Variants in DPF3 observed in about 807,000 individuals in gnomAD.
DPF3 encodes double PHD fingers 3, also known as zinc finger protein DPF3.
DPF3 carries 18 observed loss-of-function variants against 56.8 expected under a neutral mutation model. The observed-to-expected ratio is 0.32, with a 90% CI of 0.22 to 0.47. The LOEUF (loss-of-function observed/expected upper bound fraction) is 0.47, where lower values mean the gene tolerates loss of function less well. DPF3 is among the 20% of genes least tolerant of loss of function. The probability of loss-of-function intolerance (pLI) is 1.00; values close to 1 mark genes in which losing one functional copy is unlikely to be tolerated. For synonymous variants in DPF3, 188 were observed against 180.2 expected (o/e 1.04, Z -0.35); for missense variants, 403 against 488.8 (o/e 0.82, Z 1.65).
chr14:72,879,865 T>A (rs1886260956), intron 1 of DPF3: 22 of 1,535,426 alleles, frequency 1.4e-5, no homozygotes, highest in Non-Finnish European at 1.7e-5. Context: ...GTGAACCCCA[T>A]AAAACCATAG....
At chr14:72,632,018 A>C (rs781174173) in intron 8 of DPF3, among the ~76,000 whole-genome samples, 5 of 152,198 alleles carry the variant, frequency 3.3e-5, no homozygotes, top group African/African-American at 4.8e-5. Context: ...AATTACAAGG[A>C]AGAGAAAGGC....
chr14:72,860,634 G>A (rs1885359137), intron 1 of DPF3, among the ~76,000 whole-genome samples: 1 of 57,658 alleles, frequency 1.7e-5, no homozygotes, highest in Non-Finnish European at 3.1e-5. Context: ...GCACAATCTT[G>A]GCTCACCACA....
intron 9 of DPF3, among the ~76,000 whole-genome samples, chr14:72,623,758 T>G (rs1487438384): frequency 6.6e-6 from 1 of 152,154 alleles, no homozygotes; most frequent in African/African-American, 2.4e-5. Flanking sequence ...TCTACCTCTG[T>G]CCACAGAAAG....
intron 1 of DPF3, chr14:72,835,960 G>T (rs940934507): frequency 1.7e-5 from 14 of 820,546 alleles, no homozygotes; most frequent in Non-Finnish European, 1.9e-5. Context: ...AAACCTGTGC[G>T]TTGTGTTCAA....
chr14:72,652,647 C>G (rs1885947481), intron 8 of DPF3, among the ~76,000 whole-genome samples: 1 of 152,274 alleles, frequency 6.6e-6, no homozygotes, highest in Non-Finnish European at 1.5e-5. Context: ...CCCTCAGAGG[C>G]AGACCTGGGG....
intron 6 of DPF3, among the ~76,000 whole-genome samples, chr14:72,713,165 G>C (rs147334073): frequency 6.6e-6 from 1 of 152,216 alleles, no homozygotes. Context: ...CCCATGCCCT[G>C]CTCCTTCCTC....
rs945553924 is a variant in DPF3 at position 72,611,121 on chromosome 14, C to A, written c.*8176G>T. On this transcript the variant is annotated 3_prime_UTR_variant, in exon 11 of 11. Coordinates refer to ENST00000556509, the MANE Select transcript of DPF3 (RefSeq NM_001280542.3). Reference sequence around the variant, plus strand: ...AGGAGCCTTCCCTTGGGCCACCCCCCACAGAGAAGCTATAGCTCTGAGCCA... The same window carrying A: ...AGGAGCCTTCCCTTGGGCCACCCCCAACAGAGAAGCTATAGCTCTGAGCCA... Among the ~76,000 whole-genome samples, 7 of 152,226 alleles carry A rather than the reference C, an allele frequency of 4.6e-5. No homozygotes were observed. In the East Asian group the frequency reaches 1.4e-3, roughly 29 times the overall value.
At chr14:72,788,525 G>C (rs1892305463) in intron 1 of DPF3, among the ~76,000 whole-genome samples, 1 of 152,146 alleles carries the variant, frequency 6.6e-6, no homozygotes, top group Non-Finnish European at 1.5e-5. Flanking sequence ...CAGATTATCT[G>C]GGGAATTTAT....
At chr14:72,782,954 G>T (rs1383069638) in intron 1 of DPF3, among the ~76,000 whole-genome samples, 1 of 152,102 alleles carries the variant, frequency 6.6e-6, no homozygotes, top group African/African-American at 2.4e-5. Flanking sequence ...TCCCCAGGCT[G>T]GCTGGGCTCA....
At chr14:72,849,172 T>A (rs1023565498) in intron 1 of DPF3, among the ~76,000 whole-genome samples, 1 of 152,222 alleles carries the variant, frequency 6.6e-6, no homozygotes, top group African/African-American at 2.4e-5. Context: ...TCTTCCTGTG[T>A]GACAAGCCAA....
chr14:72,786,190 G>A (rs35294538), intron 1 of DPF3, among the ~76,000 whole-genome samples: 28,684 of 151,938 alleles, frequency 0.19, 3,502 homozygotes, highest in Non-Finnish European at 0.27. Flanking sequence ...TTAAACCCGG[G>A]AAGCGGAGGT....
intron 1 of DPF3, among the ~76,000 whole-genome samples, chr14:72,870,090 G>C (rs924452441): frequency 2.0e-5 from 3 of 152,088 alleles, no homozygotes; most frequent in Non-Finnish European, 2.9e-5. Context: ...ATAACATAGG[G>C]GCCTGGTGTT....
intron 1 of DPF3, among the ~76,000 whole-genome samples, chr14:72,808,228 G>A (rs1882877463): frequency 6.6e-6 from 1 of 152,102 alleles, no homozygotes; most frequent in African/African-American, 2.4e-5. Flanking sequence ...GCAGAACCGA[G>A]GTGAAATGTA....
chr14:72,856,694 A>G (rs1885181019), intron 1 of DPF3, among the ~76,000 whole-genome samples: 1 of 152,230 alleles, frequency 6.6e-6, no homozygotes, highest in South Asian at 2.1e-4. Flanking sequence ...CCATTTTCCC[A>G]GGCCTGACTA....
intron 8 of DPF3, among the ~76,000 whole-genome samples, chr14:72,646,275 G>A (rs1305648097): frequency 6.6e-6 from 1 of 152,244 alleles, no homozygotes; most frequent in African/African-American, 2.4e-5. Flanking sequence ...CCTCACTTCT[G>A]TGATGCCTTC....
At chr14:72,640,046 T>TAAAAAAAAAAAAAA (rs370070354) in intron 8 of DPF3, among the ~76,000 whole-genome samples, 6 of 45,262 alleles carry the variant, frequency 1.3e-4, no homozygotes, top group Non-Finnish European at 2.0e-4. Context: ...GTTTTCTAAG[T>TAAAAAAAAAAAAAA]AAAAAAAAAA....
Position 72,674,230 on chromosome 14 carries a change from C to A in DPF3, c.871+10G>T. On this transcript the variant is annotated intron_variant, in intron 8 of 10. Coordinates refer to ENST00000556509, the MANE Select transcript of DPF3 (RefSeq NM_001280542.3). Reference sequence around the variant, plus strand: ...TACGGGCACCCGGTGTGGGAAGGGGCCACACTCACCAGAGCGTCCACAGTC... The same window carrying A: ...TACGGGCACCCGGTGTGGGAAGGGGACACACTCACCAGAGCGTCCACAGTC... 1 of 1,610,594 alleles carries A rather than the reference C, an allele frequency of 6.2e-7. No individual in the cohort carries two copies. Among genetic ancestry groups the A allele is most frequent in the Non-Finnish European group, 8.5e-7 (1 of 1,178,474 alleles).
At chr14:72,826,094 C>T (rs1457117741) in intron 1 of DPF3, among the ~76,000 whole-genome samples, 2 of 152,076 alleles carry the variant, frequency 1.3e-5, no homozygotes, top group East Asian at 1.9e-4. Context: ...TAACCTGAAC[C>T]TCCCCTGCCA....
chr14:72,779,025 C>T (rs60849954), intron 1 of DPF3, among the ~76,000 whole-genome samples: 9,438 of 152,202 alleles, frequency 0.062, 558 homozygotes, highest in East Asian at 0.27. Flanking sequence ...GTGGTGGAGC[C>T]CAGCACTCCT....
Sources: allele counts gnomAD v4.1 joint callset (sites outside exome capture counted in the v4.1 genomes callset), GRCh38; gene constraint gnomAD v4.1.1; transcripts MANE v1.5; gene names NCBI Gene and HGNC (gene_info 2026-07-23, HGNC 2026-07-21).